The following KCNAB1 variants were observed in gnomAD, a reference collection of about 807,000 sequenced individuals.
KCNAB1 encodes the protein potassium voltage-gated channel subfamily A regulatory beta subunit 1.
Under a neutral mutation model 64.6 loss-of-function variants are expected in KCNAB1, and 35 were observed. The ratio of observed to expected loss-of-function variants is 0.54; its 90% confidence interval spans 0.41 to 0.72. The LOEUF (loss-of-function observed/expected upper bound fraction) is 0.72. Ranked by LOEUF, KCNAB1 falls within the 30% of genes least tolerant of loss-of-function variation. The probability of loss-of-function intolerance (pLI) is 0.00; values close to 1 mark genes in which losing one functional copy is unlikely to be tolerated. For synonymous variants in KCNAB1, 177 were observed against 183.8 expected (o/e 0.96, Z 0.30); for missense variants, 401 against 512.9 (o/e 0.78, Z 2.11).
At chr3:156,407,594 T>G (rs139341095) in intron 1 of KCNAB1, among the ~76,000 whole-genome samples, 16 of 152,350 alleles carry the variant, frequency 1.1e-4, no homozygotes, top group African/African-American at 3.8e-4. Context: ...CTTTTAAAGT[T>G]TATGTCCTTA....
intron 1 of KCNAB1, among the ~76,000 whole-genome samples, chr3:156,126,218 T>C (rs934765020): frequency 6.6e-6 from 1 of 152,112 alleles, no homozygotes; most frequent in Non-Finnish European, 1.5e-5. Flanking sequence ...GCAGGCTGGA[T>C]CTGGGAGTGT....
chr3:156,151,282 G>A (rs759626701), intron 1 of KCNAB1, among the ~76,000 whole-genome samples: 8 of 152,118 alleles, frequency 5.3e-5, no homozygotes, highest in East Asian at 1.9e-4. Flanking sequence ...CACTTAGAGC[G>A]AGTGCCTCCC....
intron 11 of KCNAB1, among the ~76,000 whole-genome samples, chr3:156,517,235 C>A (rs561445622): frequency 1.3e-5 from 2 of 152,296 alleles, no homozygotes; most frequent in East Asian, 3.9e-4. Context: ...AAGTCTGAAC[C>A]ACCAATCCTT....
At chr3:156,287,709 C>T (rs145882103) in intron 1 of KCNAB1, among the ~76,000 whole-genome samples, 2,540 of 151,582 alleles carry the variant, frequency 0.017, 70 homozygotes, top group African/African-American at 0.059. Flanking sequence ...CCCAGCAACT[C>T]AGGAGGCTGA....
chr3:156,508,138 T>C lies in KCNAB1; in HGVS notation c.659-6226T>C, dbSNP rs2108379799. On this transcript the variant is annotated intron_variant, in intron 8 of 13. Transcript: ENST00000490337. This position sits in a 1 kb window ranked among gnomAD's most constrained non-coding sequence, Gnocchi z 4.1. ...ATAATTGTTAATAATATTCAAGCTT[T>C]TAATTATGCCTAAAAACTTCACTCC... 6.6e-6 allele frequency among the ~76,000 whole-genome samples: 1 copy of C among 152,294 alleles called. No individual in the cohort carries two copies. The highest frequency in any genetic ancestry group is 2.1e-4 in the South Asian group (1 of 4,828).
At chr3:156,200,441 G>C (rs1052573042) in intron 1 of KCNAB1, among the ~76,000 whole-genome samples, 2 of 152,210 alleles carry the variant, frequency 1.3e-5, no homozygotes, top group African/African-American at 4.8e-5. Context: ...TCCTTTAGGT[G>C]CTCTGTCCCA....
chr3:156,514,155 T>C (rs1030099797), intron 8 of KCNAB1, among the ~76,000 whole-genome samples: 2 of 152,200 alleles, frequency 1.3e-5, no homozygotes, highest in African/African-American at 4.8e-5. Flanking sequence ...AAATGGAAAA[T>C]GGAATGTCAG....
At chr3:156,243,630 T>A (rs1717294571) in intron 1 of KCNAB1, among the ~76,000 whole-genome samples, 1 of 152,238 alleles carries the variant, frequency 6.6e-6, no homozygotes, top group Admixed American at 6.5e-5. Flanking sequence ...GTGAGCTATC[T>A]GAGTCTTTTG....
At chr3:156,483,357 GCTGA>G (rs1409959799) in intron 8 of KCNAB1, among the ~76,000 whole-genome samples, 1 of 152,034 alleles carries the variant, frequency 6.6e-6, no homozygotes, top group Admixed American at 6.6e-5. Context: ...CCAATGGGTG[GCTGA>G]CTGAAGACTT....
At chr3:156,509,282 A>G (rs1249463794) in intron 8 of KCNAB1, among the ~76,000 whole-genome samples, 1 of 152,200 alleles carries the variant, frequency 6.6e-6, no homozygotes, top group East Asian at 1.9e-4. Context: ...TGTCAGCATT[A>G]CTTGAAAGGC....
chr3:156,364,363 G>A (rs1041457899), intron 1 of KCNAB1, among the ~76,000 whole-genome samples: 5 of 152,164 alleles, frequency 3.3e-5, no homozygotes, highest in African/African-American at 1.2e-4. Context: ...CCTCAGCTAA[G>A]CATGAAACCA....
At chr3:156,268,219 C>T (rs1246971577) in intron 1 of KCNAB1, among the ~76,000 whole-genome samples, 7 of 152,054 alleles carry the variant, frequency 4.6e-5, no homozygotes, top group African/African-American at 1.7e-4. Context: ...TTTTTTATGG[C>T]CGAATAAAAT....
intron 8 of KCNAB1, among the ~76,000 whole-genome samples, chr3:156,483,732 G>A (rs1715000597): frequency 6.6e-6 from 1 of 152,072 alleles, no homozygotes; most frequent in Non-Finnish European, 1.5e-5. Flanking sequence ...GTTGCCTCAG[G>A]TCCGGCAAAT....
intron 1 of KCNAB1, among the ~76,000 whole-genome samples, chr3:156,248,164 A>G (rs1717578350): frequency 6.6e-6 from 1 of 152,162 alleles, no homozygotes; most frequent in African/African-American, 2.4e-5. Flanking sequence ...GTTGTAATCA[A>G]TGCACCAATG....
intron 7 of KCNAB1, among the ~76,000 whole-genome samples, chr3:156,472,459 C>T (rs1713989650): frequency 6.6e-6 from 1 of 152,196 alleles, no homozygotes; most frequent in African/African-American, 2.4e-5. Flanking sequence ...AAATCTCACA[C>T]AGAATCCAAA....
rs1553851297 is a variant in KCNAB1 at position 156,354,047 on chromosome 3, A to ATATG, written c.276-67568_276-67567insATGT. ...TGTCATAATGTGTGTGTGTATATAT[A>ATATG]TGTGTGTGTGTGTGTGTGTGTGTGT... On this transcript the variant is annotated intron_variant, in intron 1 of 13. Coordinates refer to ENST00000490337, the MANE Select transcript of KCNAB1 (RefSeq NM_172160.3). Among the ~76,000 whole-genome samples, 1,327 of 137,550 alleles carry ATATG rather than the reference A, an allele frequency of 9.6e-3. 18 individuals are homozygous for ATATG. The highest frequency in any genetic ancestry group is 0.027 in the African/African-American group (984 of 36,960). 90.2% of individuals were successfully genotyped at this position (137,550 alleles called of 152,430 possible).
At chr3:156,248,922 T>G (rs1717634626) in intron 1 of KCNAB1, among the ~76,000 whole-genome samples, 2 of 152,192 alleles carry the variant, frequency 1.3e-5, no homozygotes, top group South Asian at 4.1e-4. Flanking sequence ...TAGGAGTCCA[T>G]GTGCCTATGT....
chr3:156,507,681 G>C (rs1716916748), intron 8 of KCNAB1, among the ~76,000 whole-genome samples: 1 of 152,198 alleles, frequency 6.6e-6, no homozygotes, highest in African/African-American at 2.4e-5. Flanking sequence ...ACTTAAGGTA[G>C]ATAAATCACA....
rs1022848269 is a variant in KCNAB1 at position 156,291,449 on chromosome 3, C to T, written c.276-130167C>T. The T allele has an allele frequency of 1.1e-5, 11 of 1,011,338 alleles. No homozygotes were observed. The East Asian group carries it at 5.6e-4, about 51-fold the overall frequency. The allele number at this position is 1,011,338 out of a possible 1,614,324, so 62.6% of individuals were successfully genotyped here. A position where few individuals can be genotyped will look rare whatever the true frequency, so the allele number is the denominator to read the frequency against. ...CAGGGGATGCTGGCGGCGCATCTTG[C>T]GGTAAGCCTGCGCTGATTTGAGCCA... On this transcript the variant is annotated intron_variant, in intron 1 of 13. Transcript: ENST00000490337.
Sources: gnomAD v4.1 joint callset for allele counts (sites outside exome capture counted in the v4.1 genomes callset) on GRCh38, gnomAD v4.1.1 for gene constraint, Gnocchi (gnomAD v3.1) non-coding constraint, MANE v1.5 for transcripts, NCBI Gene and HGNC (gene_info 2026-07-23, HGNC 2026-07-21) for gene names.